Variants in PRKG1 observed in about 807,000 individuals in gnomAD.
The protein encoded by PRKG1 is protein kinase cGMP-dependent 1.
PRKG1 carries 35 observed loss-of-function variants against 88.1 expected under a neutral mutation model. The ratio of observed to expected loss-of-function variants is 0.40; its 90% CI spans 0.30 to 0.53. The LOEUF (loss-of-function observed/expected upper bound fraction) is 0.53, where lower values mean the gene tolerates loss of function less well. PRKG1 is among the 20% of genes least tolerant of loss of function. The pLI, the probability that PRKG1 is intolerant of heterozygous loss-of-function variation, is 0.59. For missense variants in PRKG1, 540 were observed against 839.8 expected, an observed-to-expected ratio of 0.64 and a Z score of 4.41; for synonymous variants, 303 against 292.5, an observed-to-expected ratio of 1.04 and a Z score of -0.37.
rs572288356 is a variant in PRKG1, at chr10:52,009,621, G to T, written c.763-44863G>T. 2.0e-5 allele frequency among the ~76,000 whole-genome samples: 3 copies of T among 152,220 alleles called. No homozygotes were observed. In the East Asian group the frequency reaches 5.8e-4, roughly 29 times the overall value. On this transcript the variant is annotated intron_variant, in intron 5 of 17. Coordinates refer to ENST00000373980, the MANE Select transcript of PRKG1 (RefSeq NM_006258.4). ...CCCAAAGGAAGTGTACAGATTCAATGCTATTTCTATCAAACTACCAATGAC... is the reference window on the plus strand; with the variant it reads ...CCCAAAGGAAGTGTACAGATTCAATTCTATTTCTATCAAACTACCAATGAC...
chr10:52,188,143 C>A (rs1197695108), intron 9 of PRKG1, among the ~76,000 whole-genome samples: 1 of 150,006 alleles, frequency 6.7e-6, no homozygotes, highest in African/African-American at 2.4e-5. Context: ...TTGCTTTGTG[C>A]ACTTTTTCAT....
chr10:52,153,386 GA>G (rs766914559), intron 8 of PRKG1, among the ~76,000 whole-genome samples: 14 of 152,240 alleles, frequency 9.2e-5, no homozygotes, highest in Non-Finnish European at 1.8e-4. Context: ...AAGTAATAAG[GA>G]AGATAATGGC....
intron 3 of PRKG1, among the ~76,000 whole-genome samples, chr10:51,612,492 T>A (rs555953370): frequency 3.0e-4 from 45 of 152,190 alleles, no homozygotes; most frequent in African/African-American, 8.4e-4. Flanking sequence ...ATCTAGCAAT[T>A]TTACTGAATT....
At chr10:52,133,007 C>T (rs902134017) in intron 7 of PRKG1, among the ~76,000 whole-genome samples, 24 of 150,328 alleles carry the variant, frequency 1.6e-4, no homozygotes, top group African/African-American at 4.2e-4. Context: ...TATTGACTAT[C>T]GTCATCATAT....
rs564062256 is a variant in PRKG1, at chr10:52,296,760, C to T, written c.*2860C>T. On this transcript the variant is annotated 3_prime_UTR_variant, in exon 18 of 18. Coordinates refer to ENST00000373980, the MANE Select transcript of PRKG1 (RefSeq NM_006258.4). Reference sequence around the variant, plus strand: ...TAAAACAACTGGGATAGATTGAATACATTTGAAAAAATAATTTCTGGAAAA... The same window carrying T: ...TAAAACAACTGGGATAGATTGAATATATTTGAAAAAATAATTTCTGGAAAA... 3 of 152,126 alleles carry T rather than the reference C, an allele frequency of 2.0e-5. No individual in the cohort carries two copies. In the East Asian group the frequency reaches 5.8e-4, roughly 29 times the overall value. 9.4% of individuals were successfully genotyped at this position (152,126 alleles called of 1,614,324 possible).
chr10:51,801,138 C>A, intron 3 of PRKG1, among the ~76,000 whole-genome samples: 1 of 152,090 alleles, frequency 6.6e-6, no homozygotes, highest in South Asian at 2.1e-4. Flanking sequence ...TGTACTAGAC[C>A]AGGAATCAGC....
intron 4 of PRKG1, among the ~76,000 whole-genome samples, chr10:51,813,184 CAAAAGCATAAAGTAATAAGCCATTAGCAA>C (rs1197565724): frequency 2.0e-4 from 30 of 152,056 alleles, no homozygotes; most frequent in African/African-American, 7.0e-4. Context: ...GCCATTAGCA[CAAAAGCATAAAGTAATAAGCCATTAGCAA>C]AAAAGCATAA....
At chr10:51,786,678 T>C (rs1432802114) in intron 3 of PRKG1, among the ~76,000 whole-genome samples, 2 of 152,192 alleles carry the variant, frequency 1.3e-5, no homozygotes, top group African/African-American at 4.8e-5. Context: ...GAAGAGGAAA[T>C]ATATGTGTCT....
At chr10:51,082,049 C>T (rs756546811) in intron 1 of PRKG1, among the ~76,000 whole-genome samples, 6 of 152,130 alleles carry the variant, frequency 3.9e-5, no homozygotes, top group Non-Finnish European at 2.9e-5. Context: ...TGTAAGCCAC[C>T]GCACCCCACC....
intron 2 of PRKG1, among the ~76,000 whole-genome samples, chr10:51,376,360 G>T (rs569280625): frequency 6.6e-6 from 1 of 152,132 alleles, no homozygotes; most frequent in East Asian, 1.9e-4. Context: ...TTTCATTAGA[G>T]AAATATATTG....
At chr10:51,136,221 A>T (rs182201520) in intron 1 of PRKG1, among the ~76,000 whole-genome samples, 1 of 151,908 alleles carries the variant, frequency 6.6e-6, no homozygotes, top group Admixed American at 6.6e-5. Context: ...ATTTTGAGCA[A>T]TTGGGTAGGT....
At chr10:51,145,662 A>G (rs1845927759) in intron 1 of PRKG1, among the ~76,000 whole-genome samples, 1 of 152,106 alleles carries the variant, frequency 6.6e-6, no homozygotes, top group African/African-American at 2.4e-5. Context: ...TGAATGGGAG[A>G]CTTTTAATAT....
intron 2 of PRKG1, among the ~76,000 whole-genome samples, chr10:51,273,295 G>T (rs1840028097): frequency 6.6e-6 from 1 of 150,768 alleles, no homozygotes; most frequent in South Asian, 2.1e-4. Context: ...AGGATTGCTG[G>T]AGCCCAGGAA....
At chr10:51,350,756 A>C (rs922225422) in intron 2 of PRKG1, among the ~76,000 whole-genome samples, 1 of 152,162 alleles carries the variant, frequency 6.6e-6, no homozygotes, top group Non-Finnish European at 1.5e-5. Flanking sequence ...ACATACAAAA[A>C]TCAGTAGCAT....
chr10:51,604,538 A>C (rs1298463366), intron 3 of PRKG1, among the ~76,000 whole-genome samples: 1 of 152,254 alleles, frequency 6.6e-6, no homozygotes, highest in Admixed American at 6.5e-5. Context: ...ACACAGATCA[A>C]AATCTAAAAA....
At chr10:51,574,151 T>A (rs1386580799) in intron 3 of PRKG1, among the ~76,000 whole-genome samples, 1 of 151,902 alleles carries the variant, frequency 6.6e-6, no homozygotes, top group Admixed American at 6.6e-5. Flanking sequence ...AAATGACAAA[T>A]GCGTATTAAA....
intron 9 of PRKG1, among the ~76,000 whole-genome samples, chr10:52,189,772 A>G (rs1839317898): frequency 6.6e-6 from 1 of 152,112 alleles, no homozygotes; most frequent in Non-Finnish European, 1.5e-5. Context: ...TTTTGAACCT[A>G]CTACATTTTA....
chr10:51,348,902 C>A (rs1015391756), intron 2 of PRKG1, among the ~76,000 whole-genome samples: 1 of 151,824 alleles, frequency 6.6e-6, no homozygotes, highest in Admixed American at 6.6e-5. Context: ...TATGTGATAC[C>A]ATTTTGGGCT....
intron 3 of PRKG1, among the ~76,000 whole-genome samples, chr10:51,492,556 G>A (rs1019245845): frequency 2.6e-5 from 4 of 152,134 alleles, no homozygotes; most frequent in East Asian, 3.9e-4. Context: ...TTTGTGCTAT[G>A]TAAATACAGT....
Sources: gnomAD v4.1 joint callset for allele counts (sites outside exome capture counted in the v4.1 genomes callset) on GRCh38, gnomAD v4.1.1 for gene constraint, MANE v1.5 for transcripts, NCBI Gene and HGNC (gene_info 2026-07-23, HGNC 2026-07-21) for gene names.